TEK: variants seen among roughly 807,000 people sequenced by gnomAD.
TEK encodes TEK receptor tyrosine kinase.
Under a neutral mutation model 131.8 loss-of-function variants are expected in TEK, and 43 were observed. The observed-to-expected ratio is 0.33, with a 90% CI of 0.26 to 0.42. The LOEUF (loss-of-function observed/expected upper bound fraction) is 0.42, where lower values mean the gene tolerates loss of function less well. Among genes scored for constraint, TEK ranks in the 10% least tolerant of loss-of-function variants. The pLI, the probability that TEK is intolerant of heterozygous loss-of-function variation, is 1.00. For synonymous variants in TEK, 580 were observed against 491.6 expected, an observed-to-expected ratio of 1.18 and a Z score of -2.38; for missense variants, 1,162 against 1,384.4, an observed-to-expected ratio of 0.84 and a Z score of 2.55.
intron 21 of TEK, among the ~76,000 whole-genome samples, chr9:27,224,685 G>C (rs1826237953): frequency 6.6e-6 from 1 of 152,172 alleles, no homozygotes; most frequent in African/African-American, 2.4e-5. Context: ...CATTCCCTTT[G>C]AAAACCGGCA....
At chr9:27,161,161 G>A (rs1823533390) in intron 2 of TEK, among the ~76,000 whole-genome samples, 2 of 152,212 alleles carry the variant, frequency 1.3e-5, no homozygotes, top group Non-Finnish European at 2.9e-5. Context: ...TGAGAGGCTA[G>A]GTGATCACAG....
chr9:27,173,737 G>GTTTT (rs35971876), intron 6 of TEK, among the ~76,000 whole-genome samples: 2 of 93,968 alleles, frequency 2.1e-5, no homozygotes, highest in Non-Finnish European at 4.2e-5. Flanking sequence ...TTTTTTTTTG[G>GTTTT]TTTTTTTTTT....
At chr9:27,144,689 T>C (rs1822851755) in intron 1 of TEK, among the ~76,000 whole-genome samples, 1 of 152,122 alleles carries the variant, frequency 6.6e-6, no homozygotes, top group African/African-American at 2.4e-5. Context: ...AATTCACATA[T>C]GGCCTGGAAG....
chr9:27,127,816 T>C (rs533795959), intron 1 of TEK, among the ~76,000 whole-genome samples: 1 of 152,366 alleles, frequency 6.6e-6, no homozygotes, highest in East Asian at 1.9e-4. Context: ...CCAATTTTGA[T>C]GGGGTTGTTT....
intron 12 of TEK, among the ~76,000 whole-genome samples, chr9:27,201,755 T>C (rs944978123): frequency 2.0e-5 from 3 of 152,210 alleles, no homozygotes; most frequent in African/African-American, 7.2e-5. Context: ...AAATTGTTTA[T>C]AAGCAGTAAC....
chr9:27,224,456 T>C (rs1003443638), intron 21 of TEK, among the ~76,000 whole-genome samples: 2 of 152,104 alleles, frequency 1.3e-5, no homozygotes, highest in Non-Finnish European at 2.9e-5. Context: ...TGGTTCAACA[T>C]ATGCAAATCA....
chr9:27,188,960 A>G (rs1824704431), intron 9 of TEK, among the ~76,000 whole-genome samples: 1 of 152,104 alleles, frequency 6.6e-6, no homozygotes, highest in Non-Finnish European at 1.5e-5. Flanking sequence ...AAATAGGGTA[A>G]TCAAGCCTTC....
chr9:27,198,876 C>T (rs1441208365), intron 12 of TEK, among the ~76,000 whole-genome samples: 4 of 152,160 alleles, frequency 2.6e-5, no homozygotes, highest in Non-Finnish European at 4.4e-5. Flanking sequence ...ATGGCTTCTG[C>T]AGCCTTGGCT....
chr9:27,155,977 AT>A, intron 1 of TEK, among the ~76,000 whole-genome samples: 1 of 152,054 alleles, frequency 6.6e-6, no homozygotes, highest in Non-Finnish European at 1.5e-5. Flanking sequence ...TAATTTTTGT[AT>A]TTTTAATAGA....
chr9:27,224,030 G>C (rs1182108175), intron 21 of TEK, among the ~76,000 whole-genome samples: 2 of 152,122 alleles, frequency 1.3e-5, no homozygotes, highest in Non-Finnish European at 2.9e-5. Context: ...ATAAATTCAT[G>C]GACACATACA....
chr9:27,225,969 A>C (rs572614574), intron 21 of TEK, among the ~76,000 whole-genome samples: 1 of 152,368 alleles, frequency 6.6e-6, no homozygotes, highest in South Asian at 2.1e-4. Context: ...TGCAGACAAC[A>C]AACATGAAAA....
intron 2 of TEK, 71 bp downstream of exon 2, chr9:27,158,213 G>C: frequency 6.4e-7 from 1 of 1,570,124 alleles, no homozygotes; most frequent in Non-Finnish European, 8.8e-7. Flanking sequence ...CTTGGCAGCT[G>C]CTCCCTCAGG....
At chr9:27,205,990 G>A (rs1038818737) in intron 14 of TEK, among the ~76,000 whole-genome samples, 17 of 152,086 alleles carry the variant, frequency 1.1e-4, no homozygotes, top group African/African-American at 3.6e-4. Context: ...TCAAAATACC[G>A]GTGCTTTTTC....
At chr9:27,185,435 C>A (rs573322557) in intron 8 of TEK, 50 bp from the exon 9 acceptor site, 34 of 1,610,044 alleles carry the variant, frequency 2.1e-5, no homozygotes, top group Non-Finnish European at 2.7e-5. Flanking sequence ...TGGACCTTTG[C>A]GTTTATGCCT....
Position 27,206,660 on chromosome 9 carries a change from A to T in TEK, c.2443A>T (p.Ile815Phe). ...GGTCAAAAACAACCCAGATCCTACA[A>T]TTTATCCAGTGCTTGACTGGAATGA... ...RKVKNNPDPT[I>F]YPVLDWNDIK... The change falls in exon 15 of 23, where the codon ATT becomes TTT. Residue 815 changes from isoleucine (I) to phenylalanine (F), a missense_variant. Ile to Phe is a conservative substitution (Grantham distance 21). Around this residue, in one of 6 missense-constraint regions of TEK, gnomAD observed 477 missense variants for 471.0 expected, o/e 1.01. Transcript: ENST00000380036. 1 of 1,614,042 alleles carries T rather than the reference A, an allele frequency of 6.2e-7. No homozygotes were observed. The highest frequency in any genetic ancestry group is 8.5e-7 in the Non-Finnish European group (1 of 1,179,990).
At position 27,175,633 on chromosome 9, in the gene TEK, A is replaced by G. The variant is rs528340780; in HGVS notation, c.901+2271A>G. Among the ~76,000 whole-genome samples the G allele has an allele frequency of 3.8e-4, 58 of 151,864 alleles. 1 individual carries two copies. In the East Asian group the frequency reaches 0.011, roughly 28 times the overall value. On this transcript the variant is annotated intron_variant, in intron 6 of 22. Coordinates refer to ENST00000380036, the MANE Select transcript of TEK (RefSeq NM_000459.5). ...TGTAAAAGTGTTCCTATTTCTCCAC[A>G]TCCTCTCCAGCACCTGTTGTTTCCT...
In TEK at chr9:27,212,702, T is replaced by C; in HGVS notation, c.2687-5T>C. 6.2e-7 allele frequency: 1 copy of C among 1,614,096 alleles called. No homozygotes were observed. Among genetic ancestry groups the C allele is most frequent in the South Asian group, 1.1e-5 (1 of 91,072 alleles). ...ATGAGTCGATGCTCTCTTCCTTCCCTCCAGGCTACTTGTACCTGGCCATTG... is the reference window on the plus strand; with the variant it reads ...ATGAGTCGATGCTCTCTTCCTTCCCCCCAGGCTACTTGTACCTGGCCATTG... On this transcript the variant is annotated splice_region_variant and splice_polypyrimidine_tract_variant and intron_variant, in intron 16 of 22. Coordinates refer to ENST00000380036, the MANE Select transcript of TEK (RefSeq NM_000459.5).
intron 14 of TEK, among the ~76,000 whole-genome samples, chr9:27,206,323 C>T (rs1228169460): frequency 6.6e-6 from 1 of 152,230 alleles, no homozygotes; most frequent in Non-Finnish European, 1.5e-5. Flanking sequence ...TGTACTGTTA[C>T]TCCTTCCTCC....
intron 9 of TEK, 75 bp from the exon 10 acceptor site, chr9:27,190,454 C>T (rs1249796841): frequency 1.3e-6 from 2 of 1,577,002 alleles, no homozygotes; most frequent in African/African-American, 2.7e-5. Context: ...TAAAACATAT[C>T]TTCTACCTCT....
Sources: gnomAD v4.1 joint callset for allele counts (sites outside exome capture counted in the v4.1 genomes callset) on GRCh38, gnomAD v4.1.1 for gene constraint, gnomAD v4.1.1 regional missense constraint, MANE v1.5 for transcripts, NCBI Gene and HGNC (gene_info 2026-07-23, HGNC 2026-07-21) for gene names.